PDS5A: variants seen among roughly 807,000 people sequenced by gnomAD.
The protein encoded by PDS5A is PDS5 cohesin associated factor A.
A neutral mutation model predicts 167.1 loss-of-function variants in PDS5A; 42 were observed. That is an observed-to-expected ratio of 0.25 (90% CI 0.20 to 0.33). The LOEUF is 0.33. PDS5A is among the 10% of genes least tolerant of loss of function. PDS5A has a pLI of 1.00. For synonymous variants in PDS5A, 553 were observed against 554.6 expected, an observed-to-expected ratio of 1.00 and a Z score of 0.04; for missense variants, 1,033 against 1,605.9, an observed-to-expected ratio of 0.64 and a Z score of 6.10.
chr4:39,848,739 A>T (rs1033191573), intron 28 of PDS5A, 112 bp downstream of exon 28: 2 of 949,072 alleles, frequency 2.1e-6, no homozygotes, highest in Admixed American at 4.5e-5. Context: ...ATAAACCCAG[A>T]TTTTTTCTTT....
At chr4:39,872,465 TA>T (rs1720131530) in intron 21 of PDS5A, among the ~76,000 whole-genome samples, 1 of 151,850 alleles carries the variant, frequency 6.6e-6, no homozygotes, top group Non-Finnish European at 1.5e-5. Context: ...AGGAGTTCAA[TA>T]TAAGCCTGGC....
chr4:39,872,559 G>A (rs951685224), intron 21 of PDS5A, among the ~76,000 whole-genome samples: 8 of 152,046 alleles, frequency 5.3e-5, no homozygotes, highest in African/African-American at 1.9e-4. Context: ...CAGCTACTTG[G>A]GAGGCTGAGG....
At chr4:39,839,870 C>A (rs993602043) in intron 31 of PDS5A, among the ~76,000 whole-genome samples, 6 of 150,914 alleles carry the variant, frequency 4.0e-5, no homozygotes, top group African/African-American at 1.2e-4. Flanking sequence ...CCAAGGTGGG[C>A]GAATCACGAG....
intron 2 of PDS5A, among the ~76,000 whole-genome samples, chr4:39,974,829 G>A (rs1302524504): frequency 6.6e-6 from 1 of 152,106 alleles, no homozygotes; most frequent in East Asian, 1.9e-4. Context: ...TAATGAAAGG[G>A]GCTGGGAGCA....
chr4:39,933,569 A>G (rs937267725), intron 2 of PDS5A: 1 of 152,204 alleles, frequency 6.6e-6, no homozygotes, highest in African/African-American at 2.4e-5. Context: ...CAGACTTCCC[A>G]GATTGTTATT....
chr4:39,874,378 T>C lies in PDS5A; in HGVS notation c.2188A>G (p.Arg730Gly). The change falls in exon 20 of 33, where the codon AGG becomes GGG. Residue 730 changes from arginine (R) to glycine (G), a missense_variant. By Grantham distance (125) the Arg-to-Gly change is moderately radical. Transcript: ENST00000303538. ...LIPILHQKAK[R>G]GTPHQAKQAV... The stretch of plus-strand genomic sequence containing the variant: ...TGTTTTGCTTGGTGTGGAGTACCCC[T>C]CTTTGCTTTTTGATGTAAAATGGGA... 1 of 1,612,872 alleles carries C rather than the reference T, an allele frequency of 6.2e-7. No homozygotes were observed. Among genetic ancestry groups the C allele is most frequent in the Non-Finnish European group, 8.5e-7 (1 of 1,178,902 alleles).
intron 7 of PDS5A, among the ~76,000 whole-genome samples, chr4:39,917,975 G>A: frequency 6.6e-6 from 1 of 151,920 alleles, no homozygotes; most frequent in East Asian, 1.9e-4. Flanking sequence ...CCCAGGAGTT[G>A]GAGACCAGCC....
chr4:39,897,423 C>T (rs187331774), intron 16 of PDS5A, among the ~76,000 whole-genome samples: 2 of 152,232 alleles, frequency 1.3e-5, no homozygotes, highest in East Asian at 3.9e-4. Context: ...TTTCTTGAGA[C>T]AGTCTCATTC....
chr4:39,922,272 T>TAG (rs1260672750), intron 6 of PDS5A, among the ~76,000 whole-genome samples: 1 of 152,258 alleles, frequency 6.6e-6, no homozygotes, highest in African/African-American at 2.4e-5. Context: ...CAAACTCCTA[T>TAG]GTTTCACATC....
intron 18 of PDS5A, 108 bp from the exon 19 acceptor site, chr4:39,877,261 C>T: frequency 4.7e-6 from 3 of 635,494 alleles, no homozygotes; most frequent in South Asian, 2.6e-5. Flanking sequence ...GGTAAATATG[C>T]TAGCTACACA....
At chr4:39,957,311 C>T (rs1300407100) in intron 2 of PDS5A, among the ~76,000 whole-genome samples, 1 of 151,754 alleles carries the variant, frequency 6.6e-6, no homozygotes. Flanking sequence ...GGCGAGACTC[C>T]ATCGCAAGAA....
intron 30 of PDS5A, among the ~76,000 whole-genome samples, chr4:39,842,907 T>TATATATA (rs1560419555): frequency 0.011 from 318 of 28,390 alleles, 9 homozygotes; most frequent in Admixed American, 0.026. Context: ...CTTATCCTAT[T>TATATATA]TTTATATATA....
At chr4:39,925,781 C>T in intron 5 of PDS5A, 55 bp downstream of exon 5, 1 of 647,360 alleles carries the variant, frequency 1.5e-6, no homozygotes. Context: ...TATACAACAT[C>T]TGAATACATA....
intron 26 of PDS5A, among the ~76,000 whole-genome samples, chr4:39,861,893 TCA>T (rs1218318853): frequency 1.1e-4 from 17 of 152,176 alleles, no homozygotes; most frequent in Non-Finnish European, 2.1e-4. Flanking sequence ...TCCAATTATT[TCA>T]CATACTTCAG....
chr4:39,950,133 C>T (rs536193482), intron 2 of PDS5A, among the ~76,000 whole-genome samples: 14 of 152,076 alleles, frequency 9.2e-5, no homozygotes, highest in Non-Finnish European at 1.8e-4. Flanking sequence ...TCTCAAACTC[C>T]CAAGTGATCC....
intron 31 of PDS5A, among the ~76,000 whole-genome samples, chr4:39,841,558 G>T (rs537723509): frequency 6.8e-4 from 102 of 150,322 alleles, no homozygotes; most frequent in Middle Eastern, 3.4e-3. Context: ...TGTCACCCAG[G>T]CTTGAGTACA....
chr4:39,876,454 T>C (rs1720470332), intron 19 of PDS5A, among the ~76,000 whole-genome samples: 1 of 152,182 alleles, frequency 6.6e-6, no homozygotes, highest in Non-Finnish European at 1.5e-5. Flanking sequence ...TCTGAACTAA[T>C]TGCCAATACC....
At chr4:39,849,973 C>T (rs116228520) in intron 26 of PDS5A, among the ~76,000 whole-genome samples, 2,381 of 152,128 alleles carry the variant, frequency 0.016, 67 homozygotes, top group African/African-American at 0.054. Context: ...GGTAGATTGC[C>T]TGAACCCAGA....
chr4:39,956,474 C>T (rs1452106185), intron 2 of PDS5A, among the ~76,000 whole-genome samples: 3 of 122,846 alleles, frequency 2.4e-5, no homozygotes, highest in Admixed American at 1.0e-4. Context: ...GCCTGGGTGA[C>T]AGAGCGAGAC....
Sources: gnomAD v4.1 joint callset for allele counts (sites outside exome capture counted in the v4.1 genomes callset) on GRCh38, gnomAD v4.1.1 for gene constraint, MANE v1.5 for transcripts, NCBI Gene and HGNC (gene_info 2026-07-23, HGNC 2026-07-21) for gene names.